APOBEC3H: variants seen among roughly 807,000 people sequenced by gnomAD.
The protein encoded by APOBEC3H is apolipoprotein B mRNA editing enzyme catalytic subunit 3H, also known as DNA dC->dU-editing enzyme APOBEC-3H.
APOBEC3H carries 8 observed loss-of-function variants against 21.2 expected under a neutral mutation model. The ratio of observed to expected loss-of-function variants is 0.38; its 90% CI spans 0.22 to 0.68. The LOEUF (loss-of-function observed/expected upper bound fraction) is 0.68. Among genes scored for constraint, APOBEC3H ranks in the 30% least tolerant of loss-of-function variants. The pLI is 0.52. For missense variants in APOBEC3H, 229 were observed against 228.1 expected, an observed-to-expected ratio of 1.00 and a Z score of -0.03; for synonymous variants, 88 against 91.0, an observed-to-expected ratio of 0.97 and a Z score of 0.19.
chr22:39,101,210 C>T (rs1377936086), intron 2 of APOBEC3H, 27 bp from the exon 3 acceptor site: 1 of 1,603,276 alleles, frequency 6.2e-7, no homozygotes, highest in Non-Finnish European at 8.5e-7. Flanking sequence ...TCTCCCCTCC[C>T]TTCTCTCTGT....
At chr22:39,101,198 C>A (rs1178197807) in intron 2 of APOBEC3H, 39 bp from the exon 3 acceptor site, 1 of 1,379,260 alleles carries the variant, frequency 7.3e-7, no homozygotes, top group Non-Finnish European at 9.7e-7. Context: ...TGGCCTCTCT[C>A]TTCTCCCCTC....
At chr22:39,100,588 T>C (rs932879896) in intron 2 of APOBEC3H, 160 bp downstream of exon 2, 52 of 975,168 alleles carry the variant, frequency 5.3e-5, no homozygotes, top group Non-Finnish European at 6.6e-5. Context: ...TTGGCTTAGC[T>C]GGATCTGAGT....
chr22:39,100,692 T>C (rs1027542450), intron 2 of APOBEC3H, among the ~76,000 whole-genome samples: 9 of 152,084 alleles, frequency 5.9e-5, no homozygotes, highest in Non-Finnish European at 1.3e-4. Context: ...GCCCCTCTCA[T>C]TTACTCATTC....
At chr22:39,098,082 T>A (rs139280) in intron 1 of APOBEC3H, among the ~76,000 whole-genome samples, 1 of 151,886 alleles carries the variant, frequency 6.6e-6, no homozygotes, top group Non-Finnish European at 1.5e-5. Context: ...CCCAGCTCCA[T>A]GGCCTGGGCA....
At chr22:39,102,415 G>T in intron 4 of APOBEC3H, 1 of 703,162 alleles carries the variant, frequency 1.4e-6, no homozygotes, top group Non-Finnish European at 2.6e-6. Flanking sequence ...CTCCCAAAGT[G>T]CTGGGATTAC....
intron 3 of APOBEC3H, 27 bp downstream of exon 3, chr22:39,101,531 G>T (rs1371122817): frequency 6.4e-7 from 1 of 1,564,314 alleles, no homozygotes; most frequent in South Asian, 1.1e-5. Flanking sequence ...GCAGTTATAA[G>T]AGTGCAAACC....
At position 39,103,788 on chromosome 22, in the gene APOBEC3H, C is replaced by G. The variant is rs1053283522; in HGVS notation, c.*91C>G. On this transcript the variant is annotated 3_prime_UTR_variant, in exon 5 of 5. Transcript: ENST00000442487. ...AAGAAGCAACTCAAGATGACTTTCC[C>G]TGGGGCATGTCAGTTGCCTCATAGC... 2.8e-5 allele frequency: 42 copies of G among 1,524,252 alleles called. No individual in the cohort carries two copies. The highest frequency in any genetic ancestry group is 3.7e-5 in the Non-Finnish European group (41 of 1,098,496). The allele number at this position is 1,524,252 out of a possible 1,614,324, so 94.4% of individuals were successfully genotyped here.
At chr22:39,103,604 A>C in intron 4 of APOBEC3H, 85 bp from the exon 5 acceptor site, 1 of 1,439,966 alleles carries the variant, frequency 6.9e-7, no homozygotes, top group Non-Finnish European at 9.8e-7. Context: ...TCTCTTCCTA[A>C]TGATCTCATC....
At position 39,100,404 on chromosome 22, in the gene APOBEC3H, C is replaced by T. The variant is rs1929242499; in HGVS notation, c.126C>T (p.Pro42=). 1.2e-6 allele frequency: 2 copies of T among 1,613,928 alleles called. No individual in the cohort carries two copies. ...YQLTPQNGST[P]TRGYFENKKK... is the part of the protein sequence containing the mutation. ...TGACGCCGCAGAATGGCTCCACGCC[C>T]ACGAGAGGCTACTTTGAAAACAAGG... Residue 42 remains proline, a synonymous_variant, in exon 2 of 5, where the codon CCC becomes CCT. Coordinates refer to ENST00000442487, the MANE Select transcript of APOBEC3H (RefSeq NM_181773.5).
At chr22:39,102,699 AC>A in intron 4 of APOBEC3H, 1 of 633,668 alleles carries the variant, frequency 1.6e-6, no homozygotes, top group Non-Finnish European at 2.9e-6. Context: ...TGTACCTCTC[AC>A]CATATACAAA....
In APOBEC3H at chr22:39,097,521, ACTG is replaced by A. The variant is rs200360077; in HGVS notation, c.-8+184_-8+186del. On this transcript the variant is annotated intron_variant, in intron 1 of 4. Coordinates refer to ENST00000442487, the MANE Select transcript of APOBEC3H (RefSeq NM_181773.5). ...CTTTGCCCTGCTGTGTGGTCACCCC[ACTG>A]CTGCTTCTGAACGGGCCGCCTCCCC... Among the ~76,000 whole-genome samples the A allele has an allele frequency of 6.8e-3, 1,034 of 151,940 alleles. 46 individuals are homozygous for A. The highest frequency in any genetic ancestry group is 0.064 in the Admixed American group (973 of 15,260).
intron 4 of APOBEC3H, 40 bp downstream of exon 4, chr22:39,102,082 C>T (rs747526760): frequency 7.9e-5 from 127 of 1,604,092 alleles, no homozygotes; most frequent in Admixed American, 2.9e-4. Context: ...ACCTCCTCAC[C>T]GCCTGCCGCA....
In APOBEC3H at chr22:39,103,742, A is replaced by C; in HGVS notation, c.*45A>C. 6.2e-7 allele frequency: 1 copy of C among 1,610,096 alleles called. No homozygotes were observed. Among genetic ancestry groups the C allele is most frequent in the African/African-American group, 1.3e-5 (1 of 74,902 alleles). On this transcript the variant is annotated 3_prime_UTR_variant, in exon 5 of 5. Transcript: ENST00000442487. The stretch of plus-strand genomic sequence containing the variant: ...ATGACTTAAGAAGTTTGCAGCTTGG[A>C]CCCGTATCCCACTCATTATCAAGAA...
chr22:39,102,051 C>A lies in APOBEC3H; in HGVS notation c.543+9C>A. ...GGCTTGAGAGGATAAAGGTGAGGCA[C>A]TGTCCTGCCTGCTGCCCCCGACCTC... On this transcript the variant is annotated intron_variant, in intron 4 of 4. Coordinates refer to ENST00000442487, the MANE Select transcript of APOBEC3H (RefSeq NM_181773.5). The A allele has an allele frequency of 2.5e-6, 4 of 1,612,374 alleles. No individual in the cohort carries two copies. Among genetic ancestry groups the A allele is most frequent in the Non-Finnish European group, 3.4e-6 (4 of 1,178,964 alleles).
rs1443969591 is a variant in APOBEC3H, at chr22:39,100,834, G to A, written c.151-403G>A. 4.8e-5 allele frequency among the ~76,000 whole-genome samples: 7 copies of A among 145,824 alleles called. No homozygotes were observed. In the South Asian group the frequency reaches 1.1e-3, roughly 23 times the overall value. On this transcript the variant is annotated intron_variant, in intron 2 of 4. Transcript: ENST00000442487. ...ACCTGCCCTGCCTCCCCGCCTCCCC[G>A]CCCCCCGCCCCGGCTCTCACCTGCT... is the stretch of plus-strand genomic sequence containing the variant.
rs1929500340 is a variant in APOBEC3H at position 39,103,744 on chromosome 22, C to A, written c.*47C>A. ...GACTTAAGAAGTTTGCAGCTTGGAC[C>A]CGTATCCCACTCATTATCAAGAAGC... On this transcript the variant is annotated 3_prime_UTR_variant, in exon 5 of 5. Coordinates refer to ENST00000442487, the MANE Select transcript of APOBEC3H (RefSeq NM_181773.5). 6.2e-7 allele frequency: 1 copy of A among 1,608,448 alleles called. No individual in the cohort carries two copies. The highest frequency in any genetic ancestry group is 1.1e-5 in the South Asian group (1 of 90,978).
Position 39,101,299 on chromosome 22 carries a change from G to T in APOBEC3H, c.213G>T (p.Thr71=). 6.2e-7 allele frequency: 1 copy of T among 1,613,512 alleles called. No individual in the cohort carries two copies. The highest frequency in any genetic ancestry group is 1.3e-5 in the African/African-American group (1 of 74,832). The part of the protein sequence containing the change: ...NEIKSMGLDE[T]QCYQVTCYLT... ...TCAAGTCCATGGGACTGGACGAAAC[G>T]CAGTGCTACCAAGTCACCTGTTACC... is the stretch of plus-strand genomic sequence containing the variant. The change falls in exon 3 of 5, where the codon ACG becomes ACT. Residue 71 remains threonine, a synonymous_variant. Transcript: ENST00000442487.
intron 1 of APOBEC3H, among the ~76,000 whole-genome samples, chr22:39,098,078 T>C (rs1039320184): frequency 2.6e-5 from 4 of 152,194 alleles, no homozygotes; most frequent in African/African-American, 9.6e-5. Flanking sequence ...GTGGCCCAGC[T>C]CCATGGCCTG....
In APOBEC3H at chr22:39,102,962, CAAAAAAAAA is replaced by C. The variant is rs58524849; in HGVS notation, c.544-706_544-698del. ...TGGGCAACAAAGCAAGACTCTGTCC[CAAAAAAAAA>C]AAAAAAAAAAAAAAAAAAAATTAAC... On this transcript the variant is annotated intron_variant, in intron 4 of 4. Transcript: ENST00000442487. Among the ~76,000 whole-genome samples the C allele has an allele frequency of 1.4e-3, 131 of 94,054 alleles. 3 individuals are homozygous for C. Among genetic ancestry groups the C allele is most frequent in the South Asian group, 6.0e-3 (17 of 2,828 alleles). The allele number at this position is 94,054 out of a possible 152,430, so 61.7% of individuals were successfully genotyped here.
Sources: gnomAD v4.1 joint callset for allele counts (sites outside exome capture counted in the v4.1 genomes callset) on GRCh38, gnomAD v4.1.1 for gene constraint, MANE v1.5 for transcripts, NCBI Gene and HGNC (gene_info 2026-07-23, HGNC 2026-07-21) for gene names.